Variants in XPC observed in about 807,000 individuals in gnomAD.
The protein encoded by XPC is DNA repair protein complementing XP-C cells.
In XPC, 76 loss-of-function variants were observed where a neutral mutation model predicts 95.8. The ratio of observed to expected loss-of-function variants is 0.79; its 90% confidence interval spans 0.66 to 0.96. The LOEUF (loss-of-function observed/expected upper bound fraction) is 0.96. Ranked by LOEUF, XPC falls within the 40% of genes least tolerant of loss-of-function variation. XPC has a pLI of 0.00. For missense variants in XPC, 1,146 were observed against 1,179.8 expected (o/e 0.97, Z 0.42); for synonymous variants, 442 against 442.1 (o/e 1.00, Z 0.00).
chr3:14,156,873 C>T (rs1340839646), intron 9 of XPC, among the ~76,000 whole-genome samples: 1 of 152,228 alleles, frequency 6.6e-6, no homozygotes, highest in African/African-American at 2.4e-5. Context: ...GTGAGCTTAC[C>T]TGTCTGCTCT....
intron 15 of XPC, 136 bp from the exon 16 acceptor site, chr3:14,146,295 C>A: frequency 2.5e-6 from 2 of 810,932 alleles, no homozygotes; most frequent in South Asian, 1.7e-5. Flanking sequence ...TGGGACAGGG[C>A]AGGGAGAGAG....
Position 14,178,326 on chromosome 3 carries a change from G to A in XPC, c.103+140C>T. The A allele has an allele frequency of 5.0e-6, 5 of 990,910 alleles. No individual in the cohort carries two copies. In the East Asian group the frequency reaches 1.5e-4, roughly 30 times the overall value. The allele number at this position is 990,910 out of a possible 1,614,324, so 61.4% of individuals were successfully genotyped here. A position where few individuals can be genotyped will look rare whatever the true frequency, so the allele number is the denominator to read the frequency against. On this transcript the variant is annotated intron_variant, in intron 1 of 15. Transcript: ENST00000285021. ...GGGACAGCGGGGAGGGCCGGCCGCA[G>A]CCTGCCGGGCTGCCCCCACGGCGCG...
intron 10 of XPC, 50 bp downstream of exon 10, chr3:14,156,285 A>G (rs768542868): frequency 8.9e-6 from 14 of 1,577,034 alleles, no homozygotes; most frequent in Non-Finnish European, 8.6e-7. Context: ...AAGGCTGCTA[A>G]TCCCATGCCA....
chr3:14,149,442 G>A (rs1695594923), intron 11 of XPC: 1 of 156,324 alleles, frequency 6.4e-6, no homozygotes, highest in African/African-American at 2.4e-5. Context: ...CTCTGTCCCA[G>A]ACACTATTCT....
chr3:14,170,321 G>T, intron 3 of XPC, 117 bp downstream of exon 3: 1 of 950,434 alleles, frequency 1.1e-6, no homozygotes, highest in Non-Finnish European at 1.6e-6. Context: ...CTTATCTGTG[G>T]TCTAATTAGC....
At chr3:14,149,875 A>G (rs1229383599) in intron 11 of XPC, 1 of 152,254 alleles carries the variant, frequency 6.6e-6, no homozygotes, top group East Asian at 1.9e-4. Context: ...TGATTTGCCT[A>G]AAGTCACACA....
chr3:14,145,411 CAA>C lies in XPC; in HGVS notation c.*528_*529del, dbSNP rs1365199264. 1.4e-6 allele frequency: 1 copy of C among 698,378 alleles called. No individual in the cohort carries two copies. The highest frequency in any genetic ancestry group is 1.5e-5 in the South Asian group (1 of 67,374). The allele number at this position is 698,378 out of a possible 1,614,324, so 43.3% of individuals were successfully genotyped here. A position where few individuals can be genotyped will look rare whatever the true frequency, so the allele number is the denominator to read the frequency against. Reference sequence around the variant, plus strand: ...TACTTCTCTGCTCTCTCCCCTACTGCAAAGAGGCAGTGAGGGCAGCATTAGTA... The same window carrying C: ...TACTTCTCTGCTCTCTCCCCTACTGCAGAGGCAGTGAGGGCAGCATTAGTA... On this transcript the variant is annotated 3_prime_UTR_variant, in exon 16 of 16. Transcript: ENST00000285021.
intron 10 of XPC, 90 bp from the exon 11 acceptor site, chr3:14,152,506 C>T (rs1397320691): frequency 1.5e-6 from 2 of 1,308,206 alleles, no homozygotes; most frequent in Non-Finnish European, 2.1e-6. Context: ...CCTGCAGGCT[C>T]CCTCCTCAGG....
chr3:14,159,640 G>A (rs1324251781), intron 8 of XPC, 101 bp downstream of exon 8: 5 of 1,230,492 alleles, frequency 4.1e-6, no homozygotes, highest in African/African-American at 3.0e-5. Context: ...CCCACACTCC[G>A]TGAATACCAG....
rs1696482130 is a variant in XPC, at chr3:14,168,522, G to A, written c.413-142C>T. 5 of 1,008,872 alleles carry A rather than the reference G, an allele frequency of 5.0e-6. No homozygotes were observed. The South Asian group carries it at 5.9e-5, about 12-fold the overall frequency. The allele number at this position is 1,008,872 out of a possible 1,614,324, so 62.5% of individuals were successfully genotyped here. ...ACAGCCCACAGAGACCCCTAGACAT[G>A]CCTTGCCCTGAGTCCTACCATGTGC... On this transcript the variant is annotated intron_variant, in intron 3 of 15. Coordinates refer to ENST00000285021, the MANE Select transcript of XPC (RefSeq NM_004628.5).
chr3:14,154,501 G>A (rs1170144549), intron 10 of XPC, among the ~76,000 whole-genome samples: 1 of 92,026 alleles, frequency 1.1e-5, no homozygotes, highest in Non-Finnish European at 2.2e-5. Flanking sequence ...CTACAATATG[G>A]ATGAACCCTG....
At position 14,159,767 on chromosome 3, in the gene XPC, T is replaced by C. The variant is rs1294357971; in HGVS notation, c.964A>G (p.Ile322Val). 4.5e-6 allele frequency: 7 copies of C among 1,563,764 alleles called. No homozygotes were observed. The highest frequency in any genetic ancestry group is 3.8e-5 in the Admixed American group (2 of 52,718). ...LTRLVLSLQP[I>V]PLKSATAKGK... is the part of the protein sequence containing the mutation. ...TTTGCTGTTGCTGACTTCAGAGGAA[T>C]TGGCTGTAGAGACAATACCAGCCGG... The change falls in exon 8 of 16, where the codon ATT becomes GTT. Residue 322 changes from isoleucine (I) to valine (V), a missense_variant. Transcript: ENST00000285021.
intron 5 of XPC, 142 bp from the exon 6 acceptor site, chr3:14,165,727 T>C (rs758777248): frequency 1.5e-5 from 14 of 939,798 alleles, no homozygotes; most frequent in Admixed American, 2.2e-5. Flanking sequence ...AACACTAGCA[T>C]TGGCCACTTC....
intron 1 of XPC, among the ~76,000 whole-genome samples, chr3:14,174,634 CATGAG>C (rs1319704022): frequency 1.3e-5 from 2 of 152,150 alleles, no homozygotes; most frequent in Non-Finnish European, 1.5e-5. Context: ...AATGTCCAAC[CATGAG>C]ATAATTGTTA....
intron 10 of XPC, among the ~76,000 whole-genome samples, chr3:14,155,258 G>A (rs1399574658): frequency 6.6e-6 from 1 of 152,262 alleles, no homozygotes; most frequent in South Asian, 2.1e-4. Flanking sequence ...TCTCATGTGG[G>A]TTTCCCTACG....
chr3:14,160,507 G>A (rs905436458), intron 7 of XPC, among the ~76,000 whole-genome samples: 12 of 152,174 alleles, frequency 7.9e-5, no homozygotes, highest in African/African-American at 2.9e-4. Flanking sequence ...CCACAGCCTC[G>A]GGAGAAAGTC....
chr3:14,176,063 T>C (rs1696802971), intron 1 of XPC, among the ~76,000 whole-genome samples: 1 of 152,116 alleles, frequency 6.6e-6, no homozygotes, highest in Non-Finnish European at 1.5e-5. Flanking sequence ...CACTGAAAAC[T>C]CACAGCCACC....
intron 7 of XPC, among the ~76,000 whole-genome samples, chr3:14,162,222 A>C (rs1246557307): frequency 6.6e-6 from 1 of 152,208 alleles, no homozygotes; most frequent in East Asian, 1.9e-4. Context: ...ACCCAAATTA[A>C]TCTACAGATC....
chr3:14,159,126 AAAGAG>A (rs1574963343), intron 8 of XPC, among the ~76,000 whole-genome samples: 1 of 152,318 alleles, frequency 6.6e-6, no homozygotes, highest in South Asian at 2.1e-4. Context: ...CCCTAACTGT[AAAGAG>A]AAAAGAACAT....
Sources: allele counts gnomAD v4.1 joint callset (sites outside exome capture counted in the v4.1 genomes callset), GRCh38; gene constraint gnomAD v4.1.1; transcripts MANE v1.5; gene names NCBI Gene and HGNC (gene_info 2026-07-23, HGNC 2026-07-21).